The following TLE3 variants were observed in gnomAD, a reference collection of about 807,000 sequenced individuals.
TLE3 encodes the protein transducin-like enhancer protein 3.
In TLE3, 14 loss-of-function variants were observed where a neutral mutation model predicts 93.0. The ratio of observed to expected loss-of-function variants is 0.15; its 90% CI spans 0.10 to 0.24. The LOEUF (loss-of-function observed/expected upper bound fraction) is 0.24. Ranked by LOEUF, TLE3 falls within the 10% of genes least tolerant of loss-of-function variation. The pLI is 1.00. For synonymous variants in TLE3, 451 were observed against 425.0 expected (o/e 1.06, Z -0.75); for missense variants, 693 against 1,046.6 (o/e 0.66, Z 4.66).
intron 4 of TLE3, among the ~76,000 whole-genome samples, chr15:70,084,202 G>A (rs1700118726): frequency 6.6e-6 from 1 of 152,216 alleles, no homozygotes. Context: ...AAATCTCCCA[G>A]GTTAGAGCCA....
chr15:70,092,256 G>A (rs1410289010), intron 4 of TLE3, among the ~76,000 whole-genome samples: 1 of 152,216 alleles, frequency 6.6e-6, no homozygotes, highest in Non-Finnish European at 1.5e-5. Context: ...GGAGTGGCCA[G>A]CTCCATTAGA....
chr15:70,066,174 G>A lies in TLE3; in HGVS notation c.417C>T (p.Gly139=), dbSNP rs1567012138. The A allele has an allele frequency of 5.2e-6, 8 of 1,544,530 alleles. No homozygotes were observed. Among genetic ancestry groups the A allele is most frequent in the Non-Finnish European group, 7.0e-6 (8 of 1,146,652 alleles). The change falls in exon 7 of 20, where the codon GGC becomes GGT. Residue 139 remains glycine (G), a synonymous_variant. Transcript: ENST00000451782. ...QAQHLSHATH[G]PPVQLPPHPS... ...GGTGGGGTGGCAACTGGACCGGGGGGCCGTGTGTGGCATGGGAGAGGTGCT... is the reference window on the plus strand; with the variant it reads ...GGTGGGGTGGCAACTGGACCGGGGGACCGTGTGTGGCATGGGAGAGGTGCT...
intron 5 of TLE3, among the ~76,000 whole-genome samples, chr15:70,075,092 T>C (rs1308295922): frequency 6.6e-6 from 1 of 152,248 alleles, no homozygotes; most frequent in Non-Finnish European, 1.5e-5. Context: ...TATGTCTACA[T>C]ATACCTTATC....
intron 4 of TLE3, among the ~76,000 whole-genome samples, chr15:70,091,775 G>T (rs1047342360): frequency 2.0e-5 from 3 of 152,068 alleles, no homozygotes; most frequent in Admixed American, 2.0e-4. Context: ...TCAATACCCG[G>T]GCCCATCTGG....
chr15:70,064,596 A>C, intron 7 of TLE3, 126 bp from the exon 8 acceptor site: 1 of 1,299,732 alleles, frequency 7.7e-7, no homozygotes, highest in Non-Finnish European at 1.1e-6. Flanking sequence ...ACTGGTTTTA[A>C]AATGAGCAGA....
At position 70,048,907 on chromosome 15, in the gene TLE3, T is replaced by C. The variant is rs1566971527; in HGVS notation, c.*1190A>G. 1 of 152,066 alleles carries C rather than the reference T, an allele frequency of 6.6e-6. No homozygotes were observed. Among genetic ancestry groups the C allele is most frequent in the African/African-American group, 2.4e-5 (1 of 41,388 alleles). 9.4% of individuals were successfully genotyped at this position (152,066 alleles called of 1,614,324 possible). ...TCACAACCCTGTAGGTTTATACACT[T>C]TCCCCCCTCTAAGGGGAGAGGAAGA... On this transcript the variant is annotated 3_prime_UTR_variant, in exon 20 of 20. Transcript: ENST00000451782.
rs1337493438 is a variant in TLE3, at chr15:70,058,086, C to T, written c.1051+73G>A. On this transcript the variant is annotated intron_variant, in intron 12 of 19. Coordinates refer to ENST00000451782, the MANE Select transcript of TLE3 (RefSeq NM_001105192.3). The surrounding 1 kb of genome is among the most constrained non-coding windows in gnomAD (Gnocchi z 4.1). The stretch of plus-strand genomic sequence containing the variant: ...GCTCTATCCCATGCGTGTGTGTCAC[C>T]CCTGCCCTGGCCAAGAGCAGACCCC... 2.5e-6 allele frequency: 4 copies of T among 1,605,960 alleles called. No individual in the cohort carries two copies. In the African/African-American group the frequency reaches 5.4e-5, roughly 21 times the overall value.
intron 4 of TLE3, among the ~76,000 whole-genome samples, chr15:70,081,635 T>C (rs2057783730): frequency 6.6e-6 from 1 of 152,252 alleles, no homozygotes; most frequent in Admixed American, 6.5e-5. Context: ...GGGAAGTAAT[T>C]CCACGTCTGT....
chr15:70,072,954 C>T (rs915877148), intron 6 of TLE3, among the ~76,000 whole-genome samples: 1 of 152,212 alleles, frequency 6.6e-6, no homozygotes, highest in Non-Finnish European at 1.5e-5. Context: ...CACTTCTTCA[C>T]GTTCCAGTTT....
At chr15:70,059,706 C>T (rs764867338) in intron 9 of TLE3, among the ~76,000 whole-genome samples, 2 of 152,238 alleles carry the variant, frequency 1.3e-5, no homozygotes, top group Non-Finnish European at 2.9e-5. Flanking sequence ...TGGGCAGCCG[C>T]ACTGACACCC....
Position 70,097,764 on chromosome 15 carries a change from A to T in TLE3, c.-966T>A. 1 of 393,220 alleles carries T rather than the reference A, an allele frequency of 2.5e-6. No individual in the cohort carries two copies. The highest frequency in any genetic ancestry group is 4.5e-6 in the Non-Finnish European group (1 of 223,226). 24.4% of individuals were successfully genotyped at this position (393,220 alleles called of 1,614,324 possible). ...CCTCTCCGCGCCCCGGCAAACCCCCAAAACACACACACCCAACACACACAC... is the reference window on the plus strand; with the variant it reads ...CCTCTCCGCGCCCCGGCAAACCCCCTAAACACACACACCCAACACACACAC... On this transcript the variant is annotated 5_prime_UTR_variant, in exon 1 of 20. Coordinates refer to ENST00000451782, the MANE Select transcript of TLE3 (RefSeq NM_001105192.3).
intron 8 of TLE3, chr15:70,060,867 C>A: frequency 1.6e-6 from 1 of 636,892 alleles, no homozygotes; most frequent in Non-Finnish European, 2.8e-6. Flanking sequence ...CTGGGCGCAT[C>A]CCCAATTCTC....
Position 70,055,249 on chromosome 15 carries a change from A to G in TLE3, c.1378T>C (p.Phe460Leu). Reference protein sequence around the residue: ...SADGQMQPVPFPHDALAGPGI... With the variant: ...SADGQMQPVPLPHDALAGPGI... ...GGGCCTGCCAGGGCGTCGTGGGGGA[A>G]GGGCACGGGCTGCATCTGCCCATCA... The change falls in exon 15 of 20, where the codon TTC (phenylalanine) becomes CTC (leucine). Residue 460 changes from phenylalanine (F) to leucine (L), a missense_variant. This residue lies in a region of TLE3 where 405 missense variants were observed against 468.9 expected (regional missense o/e 0.86). Transcript: ENST00000451782. 1.2e-6 allele frequency: 2 copies of G among 1,610,156 alleles called. No homozygotes were observed. Among genetic ancestry groups the G allele is most frequent in the Non-Finnish European group, 1.7e-6 (2 of 1,178,386 alleles).
chr15:70,070,129 G>A (rs1027763677), intron 6 of TLE3, among the ~76,000 whole-genome samples: 9 of 152,202 alleles, frequency 5.9e-5, no homozygotes, highest in African/African-American at 2.2e-4. Flanking sequence ...TAACCCCAAA[G>A]AGGCGCTAGG....
intron 6 of TLE3, among the ~76,000 whole-genome samples, chr15:70,072,297 T>A (rs931961294): frequency 2.0e-5 from 3 of 152,104 alleles, no homozygotes; most frequent in Admixed American, 6.5e-5. Context: ...TTAAAAAAAA[T>A]TATTTTCATA....
chr15:70,097,326 G>A lies in TLE3; in HGVS notation c.-528C>T, dbSNP rs938349431. 5.0e-6 allele frequency: 2 copies of A among 401,940 alleles called. No individual in the cohort carries two copies. Among genetic ancestry groups the A allele is most frequent in the Admixed American group, 4.4e-5 (1 of 22,694 alleles). The allele number at this position is 401,940 out of a possible 1,614,324, so 24.9% of individuals were successfully genotyped here. A position where few individuals can be genotyped will look rare whatever the true frequency, so the allele number is the denominator to read the frequency against. On this transcript the variant is annotated 5_prime_UTR_variant, in exon 1 of 20. Transcript: ENST00000451782. ...TGGGGCTCGCGGCGAGAAGAGGAAG[G>A]AGGCGGGCTACGAGGTGGTGGCTTG...
In TLE3 at chr15:70,097,493, C is replaced by T; in HGVS notation, c.-695G>A. ...CGCCGCTGCAAGCCCTTCCCAGGGCCGGGGAGGAACTCCGGGCTCAGTAGG... is the reference window on the plus strand; with the variant it reads ...CGCCGCTGCAAGCCCTTCCCAGGGCTGGGGAGGAACTCCGGGCTCAGTAGG... On this transcript the variant is annotated 5_prime_UTR_variant, in exon 1 of 20. Transcript: ENST00000451782. 2.4e-6 allele frequency: 1 copy of T among 408,966 alleles called. No individual in the cohort carries two copies. The highest frequency in any genetic ancestry group is 4.3e-6 in the Non-Finnish European group (1 of 232,728). 25.3% of individuals were successfully genotyped at this position (408,966 alleles called of 1,614,324 possible).
Position 70,074,281 on chromosome 15 carries a change from G to C in TLE3, c.372+252C>G, listed in dbSNP as rs144491546. Among the ~76,000 whole-genome samples the C allele has an allele frequency of 2.1e-3, 318 of 152,344 alleles. 3 individuals carry two copies. Among genetic ancestry groups the C allele is most frequent in the African/African-American group, 7.4e-3 (307 of 41,578 alleles). On this transcript the variant is annotated intron_variant, in intron 6 of 19. Transcript: ENST00000451782. The stretch of plus-strand genomic sequence containing the variant: ...GACACCAAAAGCCAGTGGAAGATGA[G>C]GCAGATGGCTGAAGAGGTGGATTTG...
chr15:70,087,746 T>A (rs1376680918), intron 4 of TLE3, among the ~76,000 whole-genome samples: 2 of 152,212 alleles, frequency 1.3e-5, no homozygotes, highest in Non-Finnish European at 2.9e-5. Context: ...CTCTTCTCCC[T>A]TCACAGGACA....
Sources: allele counts gnomAD v4.1 joint callset (sites outside exome capture counted in the v4.1 genomes callset), GRCh38; gene constraint gnomAD v4.1.1; regional missense constraint gnomAD v4.1.1; non-coding constraint Gnocchi (gnomAD v3.1); transcripts MANE v1.5; gene names NCBI Gene and HGNC (gene_info 2026-07-23, HGNC 2026-07-21).